Variants in EPHA3 observed in about 807,000 individuals in gnomAD.
EPHA3 encodes EPH receptor A3, also known as ephrin type-A receptor 3.
In EPHA3, 42 loss-of-function variants were observed where a neutral mutation model predicts 107.1. That is an observed-to-expected ratio of 0.39 (90% CI 0.31 to 0.51). The LOEUF (loss-of-function observed/expected upper bound fraction) is 0.51, where lower values mean the gene tolerates loss of function less well. EPHA3 is among the 20% of genes least tolerant of loss of function. The pLI, the probability that EPHA3 is intolerant of heterozygous loss-of-function variation, is 0.78. For synonymous variants in EPHA3, 461 were observed against 424.8 expected (o/e 1.09, Z -1.05); for missense variants, 1,183 against 1,211.2 (o/e 0.98, Z 0.35).
At chr3:89,379,438 A>G (rs954590685) in intron 5 of EPHA3, among the ~76,000 whole-genome samples, 4 of 152,178 alleles carry the variant, frequency 2.6e-5, no homozygotes, top group African/African-American at 9.7e-5. Context: ...TAAACTAGAA[A>G]CTATTAATAC....
intron 3 of EPHA3, among the ~76,000 whole-genome samples, chr3:89,299,057 T>A (rs1018229330): frequency 6.6e-6 from 1 of 152,064 alleles, no homozygotes; most frequent in African/African-American, 2.4e-5. Flanking sequence ...CAGAGGACAA[T>A]AAAGGATTAA....
chr3:89,156,617 G>A (rs752308723), intron 2 of EPHA3, among the ~76,000 whole-genome samples: 15 of 151,808 alleles, frequency 9.9e-5, no homozygotes, highest in Non-Finnish European at 1.9e-4. Flanking sequence ...GGTTTCAAGC[G>A]TTTGCCATTT....
intron 3 of EPHA3, among the ~76,000 whole-genome samples, chr3:89,258,195 G>A (rs1705330802): frequency 2.0e-5 from 3 of 152,166 alleles, no homozygotes; most frequent in Admixed American, 2.0e-4. Flanking sequence ...CATTCAATAA[G>A]TAACTAGCTT....
At chr3:89,395,799 G>A in intron 5 of EPHA3, 38 bp from the exon 6 acceptor site, 1 of 1,609,652 alleles carries the variant, frequency 6.2e-7, no homozygotes. Context: ...CCATTAATTT[G>A]CTTCCTTCCA....
intron 5 of EPHA3, among the ~76,000 whole-genome samples, chr3:89,358,133 G>C (rs1708006383): frequency 6.6e-6 from 1 of 151,054 alleles, no homozygotes; most frequent in Admixed American, 6.6e-5. Flanking sequence ...AGATATGAAA[G>C]AAGAGAGACT....
chr3:89,352,617 C>T lies in EPHA3; in HGVS notation c.1306+10527C>T, dbSNP rs763111471. On this transcript the variant is annotated intron_variant, in intron 5 of 16. Transcript: ENST00000336596. ...GCCCTTTGACTAAATTTAGAATCCA[C>T]ACTAGGCTAGGTGTGGTGGCTCATG... Among the ~76,000 whole-genome samples, 6 of 150,870 alleles carry T rather than the reference C, an allele frequency of 4.0e-5. 1 individual carries two copies. The highest frequency in any genetic ancestry group is 8.9e-5 in the Non-Finnish European group (6 of 67,496).
intron 2 of EPHA3, among the ~76,000 whole-genome samples, chr3:89,183,254 T>G (rs1705485788): frequency 6.6e-6 from 1 of 151,934 alleles, no homozygotes; most frequent in South Asian, 2.1e-4. Context: ...AATATGAATT[T>G]TAAAATGGAC....
rs530390225 is a variant in EPHA3 at position 89,479,961 on chromosome 3, A to T, written c.*459A>T. 5 of 236,156 alleles carry T rather than the reference A, an allele frequency of 2.1e-5. No individual in the cohort carries two copies. The highest frequency in any genetic ancestry group is 4.2e-5 in the Non-Finnish European group (5 of 119,872). The allele number at this position is 236,156 out of a possible 1,614,324, so 14.6% of individuals were successfully genotyped here. A position where few individuals can be genotyped will look rare whatever the true frequency, so the allele number is the denominator to read the frequency against. ...TAAAGCAAGCAACACAGAGGAATTT[A>T]TACCTCAAACTATCTGGCCATATTT... On this transcript the variant is annotated 3_prime_UTR_variant, in exon 17 of 17. Coordinates refer to ENST00000336596, the MANE Select transcript of EPHA3 (RefSeq NM_005233.6).
chr3:89,381,958 A>G (rs1021488699), intron 5 of EPHA3, among the ~76,000 whole-genome samples: 3 of 152,184 alleles, frequency 2.0e-5, no homozygotes, highest in African/African-American at 4.8e-5. Flanking sequence ...TAGTATTGTT[A>G]TAGCAGCCCA....
chr3:89,248,154 A>T (rs934041089), intron 3 of EPHA3, among the ~76,000 whole-genome samples: 2 of 152,152 alleles, frequency 1.3e-5, no homozygotes, highest in Middle Eastern at 3.2e-3. Context: ...ATGCGCTGCA[A>T]CATCTACTGC....
chr3:89,323,992 C>T (rs1156623101), intron 3 of EPHA3, among the ~76,000 whole-genome samples: 7 of 151,742 alleles, frequency 4.6e-5, no homozygotes, highest in South Asian at 2.1e-4. Context: ...AAATACCACA[C>T]GATTTACTAC....
At chr3:89,353,069 A>T (rs542263139) in intron 5 of EPHA3, among the ~76,000 whole-genome samples, 1 of 151,344 alleles carries the variant, frequency 6.6e-6, no homozygotes, top group African/African-American at 2.4e-5. Flanking sequence ...TAGATATGAC[A>T]AAGAAATAAC....
intron 3 of EPHA3, among the ~76,000 whole-genome samples, chr3:89,275,148 A>G (rs2107304861): frequency 6.6e-6 from 1 of 152,114 alleles, no homozygotes; most frequent in Middle Eastern, 3.4e-3. Context: ...TTTTTCCGCT[A>G]CATCAGGTTT....
intron 3 of EPHA3, among the ~76,000 whole-genome samples, chr3:89,330,456 C>T (rs1470591109): frequency 6.6e-6 from 1 of 151,572 alleles, no homozygotes; most frequent in East Asian, 1.9e-4. Flanking sequence ...AATATTATCA[C>T]ATAAGTCATA....
chr3:89,291,050 C>A (rs1035959645), intron 3 of EPHA3, among the ~76,000 whole-genome samples: 4 of 152,102 alleles, frequency 2.6e-5, no homozygotes, highest in South Asian at 2.1e-4. Context: ...TTTATATACC[C>A]TTTGTAGTCA....
At chr3:89,469,595 T>C (rs1710361456) in intron 15 of EPHA3, among the ~76,000 whole-genome samples, 1 of 152,160 alleles carries the variant, frequency 6.6e-6, no homozygotes, top group Non-Finnish European at 1.5e-5. Context: ...AACCTCTCAA[T>C]TAAAAGACCT....
intron 5 of EPHA3, among the ~76,000 whole-genome samples, chr3:89,367,947 A>G (rs796266011): frequency 6.6e-5 from 10 of 150,722 alleles, no homozygotes; most frequent in African/African-American, 2.4e-4. Flanking sequence ...ATGCTACTTC[A>G]TATGCATTTA....
At chr3:89,423,107 C>T (rs1392726963) in intron 11 of EPHA3, among the ~76,000 whole-genome samples, 1 of 151,486 alleles carries the variant, frequency 6.6e-6, no homozygotes, top group East Asian at 1.9e-4. Flanking sequence ...CCATTGGCCA[C>T]TTTTCACCTA....
intron 2 of EPHA3, among the ~76,000 whole-genome samples, chr3:89,166,215 G>A (rs544555952): frequency 5.9e-5 from 9 of 151,980 alleles, no homozygotes; most frequent in South Asian, 4.1e-4. Context: ...CTCATTCTTC[G>A]TTTATCTTCT....
Sources: gnomAD v4.1 joint callset for allele counts (sites outside exome capture counted in the v4.1 genomes callset) on GRCh38, gnomAD v4.1.1 for gene constraint, MANE v1.5 for transcripts, NCBI Gene and HGNC (gene_info 2026-07-23, HGNC 2026-07-21) for gene names.